ROBO2: variants seen among roughly 807,000 people sequenced by gnomAD.
ROBO2 encodes the protein roundabout guidance receptor 2.
A neutral mutation model predicts 160.8 loss-of-function variants in ROBO2; 53 were observed. The observed-to-expected ratio is 0.33, with a 90% CI of 0.26 to 0.41. The LOEUF (loss-of-function observed/expected upper bound fraction) is 0.41, where lower values mean the gene tolerates loss of function less well. Ranked by LOEUF, ROBO2 falls within the 10% of genes least tolerant of loss-of-function variation. The probability of loss-of-function intolerance (pLI) is 1.00; values close to 1 mark genes in which losing one functional copy is unlikely to be tolerated. For synonymous variants in ROBO2, 664 were observed against 611.7 expected (o/e 1.09, Z -1.26); for missense variants, 1,577 against 1,722.4 (o/e 0.92, Z 1.49).
At chr3:76,208,025 T>G (rs372558312) in intron 2 of ROBO2, among the ~76,000 whole-genome samples, 2 of 152,166 alleles carry the variant, frequency 1.3e-5, no homozygotes, top group African/African-American at 4.8e-5. Flanking sequence ...ACCTCCCCAC[T>G]GTTACTCTTC....
chr3:77,386,042 A>C (rs2153492990), intron 2 of ROBO2, among the ~76,000 whole-genome samples: 1 of 152,336 alleles, frequency 6.6e-6, no homozygotes, highest in East Asian at 1.9e-4. Context: ...TAACTAATGC[A>C]TATTGAGTAT....
intron 17 of ROBO2, among the ~76,000 whole-genome samples, chr3:77,593,211 A>AT (rs1436849736): frequency 9.0e-6 from 1 of 111,052 alleles, no homozygotes; most frequent in East Asian, 2.4e-4. Context: ...TTGATAGTCC[A>AT]TTAAAAAAAA....
At chr3:76,490,002 A>G (rs1377883258) in intron 2 of ROBO2, among the ~76,000 whole-genome samples, 1 of 152,182 alleles carries the variant, frequency 6.6e-6, no homozygotes, top group African/African-American at 2.4e-5. Context: ...TGCTCTGCTC[A>G]TCTGTGATTA....
intron 2 of ROBO2, among the ~76,000 whole-genome samples, chr3:76,001,319 G>A (rs908702557): frequency 6.6e-6 from 1 of 152,028 alleles, no homozygotes; most frequent in Non-Finnish European, 1.5e-5. Flanking sequence ...TAAATTCCAA[G>A]CTAAATAGTC....
At chr3:75,935,783 A>T (rs1348015725) in intron 1 of ROBO2, among the ~76,000 whole-genome samples, 2 of 152,084 alleles carry the variant, frequency 1.3e-5, no homozygotes, top group Non-Finnish European at 1.5e-5. Flanking sequence ...TTGTTGGACT[A>T]CAATTGGGAG....
chr3:75,970,004 T>G (rs1459703960), intron 2 of ROBO2, among the ~76,000 whole-genome samples: 2 of 151,372 alleles, frequency 1.3e-5, no homozygotes, highest in Admixed American at 6.6e-5. Flanking sequence ...CTTCTGGGAG[T>G]TTTATAGTTT....
intron 2 of ROBO2, among the ~76,000 whole-genome samples, chr3:76,817,614 A>C (rs921318201): frequency 6.6e-5 from 10 of 152,088 alleles, no homozygotes; most frequent in African/African-American, 2.4e-4. Flanking sequence ...TGTACACTGC[A>C]CCCAATGTGT....
At chr3:77,374,476 T>C (rs970593763) in intron 2 of ROBO2, among the ~76,000 whole-genome samples, 2 of 152,200 alleles carry the variant, frequency 1.3e-5, no homozygotes, top group African/African-American at 4.8e-5. Flanking sequence ...TTATTTTTAA[T>C]TAAGGATCTG....
chr3:76,358,946 C>T (rs1212341349), intron 2 of ROBO2, among the ~76,000 whole-genome samples: 4 of 138,128 alleles, frequency 2.9e-5, no homozygotes, highest in Admixed American at 7.5e-5. Flanking sequence ...CAACAGTCCC[C>T]GGTGTGTGAT....
At chr3:77,330,797 G>C (rs2065896469) in intron 2 of ROBO2, among the ~76,000 whole-genome samples, 1 of 152,142 alleles carries the variant, frequency 6.6e-6, no homozygotes, top group Admixed American at 6.5e-5. Context: ...TATCGTTGAG[G>C]TATATTACTG....
At chr3:77,349,953 A>C (rs180809277) in intron 2 of ROBO2, among the ~76,000 whole-genome samples, 1 of 152,188 alleles carries the variant, frequency 6.6e-6, no homozygotes, top group Non-Finnish European at 1.5e-5. Flanking sequence ...GTTATTTCTT[A>C]TTGAAAGTTA....
intron 2 of ROBO2, among the ~76,000 whole-genome samples, chr3:76,368,821 T>C (rs886568409): frequency 2.0e-5 from 3 of 151,946 alleles, no homozygotes; most frequent in South Asian, 2.1e-4. Flanking sequence ...GGAATTCCAA[T>C]TGAGACTAAA....
At chr3:76,932,231 AAAAC>A (rs1196960534) in intron 2 of ROBO2, among the ~76,000 whole-genome samples, 9 of 152,210 alleles carry the variant, frequency 5.9e-5, no homozygotes, top group Admixed American at 5.9e-4. Context: ...CAATAAGAGA[AAAAC>A]AAAAGTTGGA....
At chr3:77,440,358 C>T (rs952584870) in intron 2 of ROBO2, among the ~76,000 whole-genome samples, 4 of 152,092 alleles carry the variant, frequency 2.6e-5, no homozygotes, top group Non-Finnish European at 4.4e-5. Flanking sequence ...TCATTATTAA[C>T]TTGAGAGTCT....
At chr3:77,266,517 C>T (rs556261241) in intron 2 of ROBO2, among the ~76,000 whole-genome samples, 9 of 152,196 alleles carry the variant, frequency 5.9e-5, no homozygotes, top group East Asian at 1.9e-4. Flanking sequence ...CAAGACCTTA[C>T]GTAAAGGCCT....
chr3:76,393,609 CA>C (rs2077268091), intron 2 of ROBO2, among the ~76,000 whole-genome samples: 1 of 152,082 alleles, frequency 6.6e-6, no homozygotes, highest in African/African-American at 2.4e-5. Flanking sequence ...TTTTGAGAAA[CA>C]CTGTAGATAA....
At chr3:77,502,629 G>T (rs1205162785) in intron 5 of ROBO2, among the ~76,000 whole-genome samples, 1 of 152,066 alleles carries the variant, frequency 6.6e-6, no homozygotes, top group African/African-American at 2.4e-5. Context: ...ATCTATGGGT[G>T]CCACATCTGT....
chr3:76,791,455 C>CTCTTTCTCTG lies in ROBO2; in HGVS notation c.110-306556_110-306555insTTCTCTGTCT, dbSNP rs142681982. Among the ~76,000 whole-genome samples the CTCTTTCTCTG allele has an allele frequency of 5.8e-3, 884 of 151,536 alleles. 12 individuals carry two copies. The highest frequency in any genetic ancestry group is 0.02 in the African/African-American group (828 of 41,372). On this transcript the variant is annotated intron_variant, in intron 2 of 26. Transcript: ENST00000487694. ...ATAAGATATTTCTGCTTTCATGTCTCTCTCTCTCTCTTTTCTCTCTCTCTC... is the reference window on the plus strand; with the variant it reads ...ATAAGATATTTCTGCTTTCATGTCTCTCTTTCTCTGTCTCTCTCTCTTTTCTCTCTCTCTC...
intron 1 of ROBO2, chr3:75,907,038 G>A (rs1377736578): frequency 6.6e-6 from 1 of 152,462 alleles, no homozygotes; most frequent in African/African-American, 2.4e-5. Flanking sequence ...GCTCCCCCAA[G>A]CGCTGCTGCC....
Sources: allele counts gnomAD v4.1 joint callset (sites outside exome capture counted in the v4.1 genomes callset), GRCh38; gene constraint gnomAD v4.1.1; transcripts MANE v1.5; gene names NCBI Gene and HGNC (gene_info 2026-07-23, HGNC 2026-07-21).